The following MYOM3 variants were observed in gnomAD, a reference collection of about 807,000 sequenced individuals.
MYOM3 encodes myomesin 3, also known as myomesin-3.
MYOM3 carries 155 observed loss-of-function variants against 191.7 expected under a neutral mutation model. That is an observed-to-expected ratio of 0.81 (90% CI 0.71 to 0.92). The LOEUF is 0.92. MYOM3 is among the 40% of genes least tolerant of loss of function. The pLI, the probability that MYOM3 is intolerant of heterozygous loss-of-function variation, is 0.00. For synonymous variants in MYOM3, 757 were observed against 762.9 expected (o/e 0.99, Z 0.13); for missense variants, 1,889 against 1,890.6 (o/e 1.00, Z 0.02).
intron 2 of MYOM3, 69 bp downstream of exon 2, chr1:24,108,407 G>A (rs1164019062): frequency 3.5e-6 from 5 of 1,422,176 alleles, no homozygotes; most frequent in African/African-American, 1.4e-5. Flanking sequence ...GGCTAGGCTG[G>A]GCCTCCCTCC....
In MYOM3 at chr1:24,063,026, T is replaced by A. The variant is rs552114008; in HGVS notation, c.3770+100A>T. 80 of 759,900 alleles carry A rather than the reference T, an allele frequency of 1.1e-4. No homozygotes were observed. The highest frequency in any genetic ancestry group is 7.5e-4 in the African/African-American group (44 of 58,660). 47.1% of individuals were successfully genotyped at this position (759,900 alleles called of 1,614,324 possible). ...GCTCTGCTTGGGGGACCAGAAACTCTGCTTGGAGGACCAGGCAGGGAGAAG... is the reference window on the plus strand; with the variant it reads ...GCTCTGCTTGGGGGACCAGAAACTCAGCTTGGAGGACCAGGCAGGGAGAAG... On this transcript the variant is annotated intron_variant, in intron 32 of 36. Coordinates refer to ENST00000374434, the MANE Select transcript of MYOM3 (RefSeq NM_152372.4). The surrounding 1 kb of genome is among the most constrained non-coding windows in gnomAD (Gnocchi z 4.5).
At chr1:24,092,534 C>T (rs1557613307) in intron 10 of MYOM3, among the ~76,000 whole-genome samples, 1 of 152,140 alleles carries the variant, frequency 6.6e-6, no homozygotes, top group African/African-American at 2.4e-5. Flanking sequence ...CACCAAGTAC[C>T]TGAACAAGTG....
chr1:24,107,646 G>A (rs1002499236), intron 3 of MYOM3, among the ~76,000 whole-genome samples: 14 of 152,192 alleles, frequency 9.2e-5, no homozygotes, highest in African/African-American at 2.7e-4. Flanking sequence ...GGCCTCCTCA[G>A]TCTCTGGCCT....
At chr1:24,086,151 G>T (rs1643735705) in intron 15 of MYOM3, among the ~76,000 whole-genome samples, 1 of 152,108 alleles carries the variant, frequency 6.6e-6, no homozygotes, top group Non-Finnish European at 1.5e-5. Flanking sequence ...TAGAACAATG[G>T]GTTTGCCAGT....
At chr1:24,105,877 T>G (rs755058196) in intron 5 of MYOM3, 43 bp downstream of exon 5, 1 of 1,549,778 alleles carries the variant, frequency 6.5e-7, no homozygotes, top group Non-Finnish European at 8.7e-7. Context: ...AACTCACTTG[T>G]GACCCCAGAG....
chr1:24,073,639 C>T (rs190885543), intron 23 of MYOM3, among the ~76,000 whole-genome samples: 2 of 152,090 alleles, frequency 1.3e-5, no homozygotes, highest in Admixed American at 6.5e-5. Context: ...CTGAGGTGGG[C>T]GGATCACGAG....
intron 6 of MYOM3, among the ~76,000 whole-genome samples, chr1:24,099,338 C>A (rs950776733): frequency 1.3e-5 from 2 of 152,228 alleles, no homozygotes; most frequent in African/African-American, 4.8e-5. Flanking sequence ...TTCTCTCCCC[C>A]ACAAGGAGCC....
At chr1:24,101,695 C>G (rs1481837916) in intron 5 of MYOM3, among the ~76,000 whole-genome samples, 2 of 152,156 alleles carry the variant, frequency 1.3e-5, no homozygotes, top group Non-Finnish European at 2.9e-5. Flanking sequence ...GAGGCTGTAG[C>G]AAACCATGAT....
At chr1:24,096,205 C>A (rs973712787) in intron 7 of MYOM3, among the ~76,000 whole-genome samples, 1 of 151,742 alleles carries the variant, frequency 6.6e-6, no homozygotes, top group Non-Finnish European at 1.5e-5. Flanking sequence ...GGAGGCTGCC[C>A]GAGATCACAC....
intron 28 of MYOM3, 63 bp from the exon 29 acceptor site, chr1:24,066,064 C>G (rs1381176643): frequency 9.7e-7 from 1 of 1,027,508 alleles, no homozygotes. Flanking sequence ...AAAAACACAC[C>G]TGTGCACACT....
rs957841986 is a variant in MYOM3 at position 24,087,030 on chromosome 1, T to C, written c.1615-203A>G. ...TCCTACCGAGACCTCACGTCCAGCC[T>C]GTCCACAACGCGGCTCCAGAGCTTC... On this transcript the variant is annotated intron_variant, in intron 14 of 36. Coordinates refer to ENST00000374434, the MANE Select transcript of MYOM3 (RefSeq NM_152372.4). The surrounding 1 kb of genome is among the most constrained non-coding windows in gnomAD (Gnocchi z 4.5). Among the ~76,000 whole-genome samples the C allele has an allele frequency of 2.6e-5, 4 of 151,942 alleles. No individual in the cohort carries two copies. Among genetic ancestry groups the C allele is most frequent in the Non-Finnish European group, 5.9e-5 (4 of 67,940 alleles).
Position 24,063,586 on chromosome 1 carries a change from T to TAGG in MYOM3, c.3623-59_3623-57dup. On this transcript the variant is annotated intron_variant, in intron 30 of 36. Transcript: ENST00000374434. The surrounding 1 kb of genome is among the most constrained non-coding windows in gnomAD (Gnocchi z 4.5). ...GCATAGGGCTCCCCTAGGGATGTGC[T>TAGG]AGGAGTGGGGACATCCTAGAAAAAG... 2 of 1,602,556 alleles carry TAGG rather than the reference T, an allele frequency of 1.2e-6. No individual in the cohort carries two copies. The highest frequency in any genetic ancestry group is 1.7e-6 in the Non-Finnish European group (2 of 1,169,992).
intron 29 of MYOM3, chr1:24,064,370 G>C (rs1643410026): frequency 1.9e-6 from 1 of 534,748 alleles, no homozygotes; most frequent in South Asian, 2.2e-5. Flanking sequence ...TTCCTAGCTC[G>C]GGGCTTGTCT....
chr1:24,091,034 C>T lies in MYOM3; in HGVS notation c.1233-38G>A, dbSNP rs777644895. The T allele has an allele frequency of 1.9e-6, 3 of 1,605,468 alleles. No individual in the cohort carries two copies. The African/African-American group carries it at 4.0e-5, about 21-fold the overall frequency. On this transcript the variant is annotated intron_variant, in intron 11 of 36. Transcript: ENST00000374434. The stretch of plus-strand genomic sequence containing the variant: ...GGCCCCCCCTTTCAGCCCCTGCCCA[C>T]AATGCACACCTTCCCAATGTGAGCC...
chr1:24,066,940 G>T (rs1570854464), intron 28 of MYOM3, 81 bp downstream of exon 28: 1 of 1,311,824 alleles, frequency 7.6e-7, no homozygotes, highest in East Asian at 2.6e-5. Context: ...GGGCCGGGTG[G>T]GCAGGGACAG....
Position 24,063,439 on chromosome 1 carries a change from G to A in MYOM3, c.3661+53C>T. On this transcript the variant is annotated intron_variant, in intron 31 of 36. Transcript: ENST00000374434. The surrounding 1 kb of genome is among the most constrained non-coding windows in gnomAD (Gnocchi z 4.5). ...CAAGGCCAGTGTTAGGCTGCTTGGA[G>A]GCTGTTGGGCATCAGGGCAGGGCAG... The A allele has an allele frequency of 6.2e-7, 1 of 1,608,306 alleles. No homozygotes were observed. The highest frequency in any genetic ancestry group is 8.5e-7 in the Non-Finnish European group (1 of 1,174,810).
Position 24,067,075 on chromosome 1 carries a change from C to T in MYOM3, c.3369G>A (p.Glu1123=). 2 of 1,575,826 alleles carry T rather than the reference C, an allele frequency of 1.3e-6. No homozygotes were observed. Among genetic ancestry groups the T allele is most frequent in the Non-Finnish European group, 1.7e-6 (2 of 1,158,504 alleles). Residue 1123 remains glutamate (E), a synonymous_variant, in exon 28 of 37, where the codon GAG becomes GAA. Transcript: ENST00000374434. Reference sequence around the variant, plus strand: ...CCGTGACCTTCCACTGCAACGGCCGCTCAAAATAGGGACCTGTGCGTGCAA... The same window carrying T: ...CCGTGACCTTCCACTGCAACGGCCGTTCAAAATAGGGACCTGTGCGTGCAA... ...DWKRKQGPYF[E]RPLQWKVTED...
chr1:24,081,212 G>T, intron 19 of MYOM3, 118 bp downstream of exon 19: 1 of 1,315,692 alleles, frequency 7.6e-7, no homozygotes, highest in Non-Finnish European at 1.1e-6. Flanking sequence ...GGCCTGGGGT[G>T]CAGGACAAAC....
At chr1:24,066,995 TG>T in intron 28 of MYOM3, 25 bp downstream of exon 28, 2 of 1,553,214 alleles carry the variant, frequency 1.3e-6, no homozygotes, top group Non-Finnish European at 1.7e-6. Context: ...GCACTGGGCC[TG>T]GGGGCAGGGC....
Sources: allele counts gnomAD v4.1 joint callset (sites outside exome capture counted in the v4.1 genomes callset), GRCh38; gene constraint gnomAD v4.1.1; non-coding constraint Gnocchi (gnomAD v3.1); transcripts MANE v1.5; gene names NCBI Gene and HGNC (gene_info 2026-07-23, HGNC 2026-07-21).